The following RYR1 variants were observed in gnomAD, a reference collection of about 807,000 sequenced individuals.
RYR1 encodes the protein central core disease of muscle.
RYR1 carries 342 observed loss-of-function variants against 583.5 expected under a neutral mutation model. The ratio of observed to expected loss-of-function variants is 0.59; its 90% CI spans 0.54 to 0.64. The LOEUF (loss-of-function observed/expected upper bound fraction) is 0.64. RYR1 is among the 30% of genes least tolerant of loss of function. The probability of loss-of-function intolerance (pLI) is 0.00; values close to 1 mark genes in which losing one functional copy is unlikely to be tolerated. For synonymous variants in RYR1, 2,791 were observed against 2,822.5 expected (o/e 0.99, Z 0.35); for missense variants, 6,032 against 6,917.2 (o/e 0.87, Z 4.54).
intron 92 of RYR1, 125 bp from the exon 93 acceptor site, chr19:38,567,648 T>C: frequency 2.2e-6 from 3 of 1,367,844 alleles, no homozygotes; most frequent in Admixed American, 3.6e-5. Flanking sequence ...CATCATCCCA[T>C]GTACCCAGTA....
intron 104 of RYR1, 28 bp downstream of exon 104, chr19:38,586,219 G>A (rs1271263697): frequency 6.2e-7 from 1 of 1,601,940 alleles, no homozygotes; most frequent in African/African-American, 1.3e-5. Flanking sequence ...CCAGTCAGGA[G>A]GGTGGGGGGC....
chr19:38,505,236 C>T (rs1326202387), intron 52 of RYR1, 73 bp from the exon 53 acceptor site: 12 of 1,219,378 alleles, frequency 9.8e-6, no homozygotes, highest in South Asian at 2.5e-5. Flanking sequence ...TCTCTGTCCT[C>T]GGCTCCTCCA....
chr19:38,533,508 AAGGCTGGGCGC>A (rs1971831357), intron 78 of RYR1, among the ~76,000 whole-genome samples: 1 of 152,148 alleles, frequency 6.6e-6, no homozygotes, highest in African/African-American at 2.4e-5. Context: ...AATAAGATCT[AAGGCTGGGCGC>A]AGTGGCTCAC....
At position 38,443,567 on chromosome 19, in the gene RYR1, G is replaced by T. The variant is rs1972794728; in HGVS notation, c.280G>T (p.Gly94Cys). The change falls in exon 4 of 106, where the codon GGC becomes TGC. Residue 94 changes from glycine (G) to cysteine (C), a missense_variant. Coordinates refer to ENST00000359596, the MANE Select transcript of RYR1 (RefSeq NM_000540.3). The part of the protein sequence containing the change: ...TVEAGVESSQ[G>C]GGHRTLLYGH... ...CTCCCTCCCCCTGCAGTCATCCCAG[G>T]GCGGGGGACACAGGACGCTCCTGTA... is the stretch of plus-strand genomic sequence containing the variant. 1 of 1,613,932 alleles carries T rather than the reference G, an allele frequency of 6.2e-7. No individual in the cohort carries two copies. Among genetic ancestry groups the T allele is most frequent in the Non-Finnish European group, 8.5e-7 (1 of 1,179,966 alleles).
rs1317236359 is a variant in RYR1, at chr19:38,561,224, C to G, written c.12394C>G (p.Gln4132Glu). ...INCEEFANRF[Q>E]EPARDIGFNV... is the part of the protein sequence containing the mutation. ...CTGCGAAGAGTTCGCCAACCGCTTC[C>G]AGGAGCCAGCACGCGACATCGGCTT... Residue 4132 changes from glutamine (Q) to glutamate (E), a missense_variant, in exon 90 of 106, where the codon CAG (glutamine) becomes GAG (glutamate). Coordinates refer to ENST00000359596, the MANE Select transcript of RYR1 (RefSeq NM_000540.3). This position sits in a 1 kb window ranked among gnomAD's most constrained non-coding sequence, Gnocchi z 4.8. 4 of 1,614,166 alleles carry G rather than the reference C, an allele frequency of 2.5e-6. No individual in the cohort carries two copies. Among genetic ancestry groups the G allele is most frequent in the Non-Finnish European group, 2.5e-6 (3 of 1,180,040 alleles).
At chr19:38,491,082 G>A (rs981839148) in intron 37 of RYR1, among the ~76,000 whole-genome samples, 3 of 152,132 alleles carry the variant, frequency 2.0e-5, no homozygotes, top group Admixed American at 1.3e-4. Flanking sequence ...TGGAAGGACA[G>A]ATGGATGACC....
chr19:38,504,665 G>T (rs1037232127), intron 50 of RYR1, 83 bp from the exon 51 acceptor site: 4 of 1,565,748 alleles, frequency 2.6e-6, no homozygotes, highest in Non-Finnish European at 3.5e-6. Context: ...GAGGGCTGAT[G>T]ATTGCAGTGT....
intron 58 of RYR1, among the ~76,000 whole-genome samples, chr19:38,509,446 TATTA>T (rs539309829): frequency 0.03 from 3,788 of 127,528 alleles, 62 homozygotes; most frequent in Middle Eastern, 0.031. Flanking sequence ...TTATTATTAT[TATTA>T]TTTTTTTTTT....
intron 71 of RYR1, among the ~76,000 whole-genome samples, chr19:38,526,395 A>T (rs2036944161): frequency 6.7e-6 from 1 of 149,636 alleles, no homozygotes; most frequent in Admixed American, 6.7e-5. Context: ...ACCCCTAAAG[A>T]CCACCGACTT....
intron 95 of RYR1, 101 bp from the exon 96 acceptor site, chr19:38,573,076 G>A: frequency 6.4e-7 from 1 of 1,570,318 alleles, no homozygotes; most frequent in Non-Finnish European, 8.7e-7. Flanking sequence ...CTTCTGATGT[G>A]GGGTCACACA....
Position 38,494,555 on chromosome 19 carries a change from G to C in RYR1, c.6478G>C (p.Gly2160Arg), listed in dbSNP as rs143398211. The C allele has an allele frequency of 1.9e-5, 30 of 1,613,948 alleles. No individual in the cohort carries two copies. Among genetic ancestry groups the C allele is most frequent in the Admixed American group, 3.3e-5 (2 of 60,000 alleles). Residue 2160 changes from glycine to arginine, a missense_variant, in exon 39 of 106, where the codon GGC becomes CGC. By Grantham distance (125) the Gly-to-Arg change is moderately radical (BLOSUM62 -2). Coordinates refer to ENST00000359596, the MANE Select transcript of RYR1 (RefSeq NM_000540.3). Reference sequence around the variant, plus strand: ...CACCATGAGCCTGCTCGAGTGCCTCGGCCAGATCCGCTCGCTGCTCATCGT... The same window carrying C: ...CACCATGAGCCTGCTCGAGTGCCTCCGCCAGATCCGCTCGCTGCTCATCGT... Reference protein sequence around the residue: ...EDTMSLLECLGQIRSLLIVQM... With the variant: ...EDTMSLLECLRQIRSLLIVQM...
Position 38,507,831 on chromosome 19 carries a change from C to T in RYR1, c.8932+4C>T, listed in dbSNP as rs772518280. ...CAGGAGTTCATTGCCCACCTGGGTA[C>T]GGAGAAATACCCCCCGCTTATGCCC... On this transcript the variant is annotated splice_donor_region_variant and intron_variant, in intron 58 of 105. Transcript: ENST00000359596. 15 of 1,584,160 alleles carry T rather than the reference C, an allele frequency of 9.5e-6. No homozygotes were observed. In the Middle Eastern group the frequency reaches 1.0e-3, roughly 105 times the overall value.
At position 38,572,247 on chromosome 19, in the gene RYR1, A is replaced by G. The variant is rs771042959; in HGVS notation, c.13975A>G (p.Ile4659Val). The change falls in exon 95 of 106, where the codon ATC becomes GTC. Residue 4659 changes from isoleucine (I) to valine (V), a missense_variant. Physicochemically the swap from Ile to Val is conservative, Grantham distance 29 (BLOSUM62 3). Coordinates refer to ENST00000359596, the MANE Select transcript of RYR1 (RefSeq NM_000540.3). ...LLHTLVAFLC[I>V]IGYNCLKVPL... ...GCATACACTGGTGGCCTTTCTCTGC[A>G]TCATTGGCTATAATTGTCTCAAGGT... The G allele has an allele frequency of 2.0e-6, 3 of 1,525,158 alleles. No homozygotes were observed. The highest frequency in any genetic ancestry group is 1.1e-5 in the South Asian group (1 of 90,098). 94.5% of individuals were successfully genotyped at this position (1,525,158 alleles called of 1,614,324 possible). A position where few individuals can be genotyped will look rare whatever the true frequency, so the allele number is the denominator to read the frequency against.
chr19:38,445,545 C>A (rs574744276), intron 7 of RYR1, among the ~76,000 whole-genome samples: 4 of 152,076 alleles, frequency 2.6e-5, no homozygotes, highest in Non-Finnish European at 5.9e-5. Flanking sequence ...TGGTTTTTGA[C>A]CCTCAAACTC....
Position 38,546,445 on chromosome 19 carries a change from G to T in RYR1, c.12013G>T (p.Asp4005Tyr), listed in dbSNP as rs761807342. 5.6e-6 allele frequency: 9 copies of T among 1,613,794 alleles called. No individual in the cohort carries two copies. The highest frequency in any genetic ancestry group is 7.6e-6 in the Non-Finnish European group (9 of 1,179,870). Reference sequence around the variant, plus strand: ...GCCCTCACCGAGCTGGGATCTCTAGGACTCAAGCCAGATCGAGCTGCTGAA... The same window carrying T: ...GCCCTCACCGAGCTGGGATCTCTAGTACTCAAGCCAGATCGAGCTGCTGAA... ...FAHMMMKLAQ[D>Y]SSQIELLKEL... is the part of the protein sequence containing the mutation. The change falls in exon 88 of 106, where the codon GAC becomes TAC. Residue 4005 changes from aspartate (D) to tyrosine (Y), a missense_variant and splice_region_variant. Transcript: ENST00000359596.
intron 31 of RYR1, among the ~76,000 whole-genome samples, chr19:38,479,305 G>A (rs559343052): frequency 6.6e-6 from 1 of 152,156 alleles, no homozygotes. Flanking sequence ...GTAGATATTG[G>A]CTTTATCACA....
rs1416057152 is a variant in RYR1 at position 38,452,747 on chromosome 19, G to A, written c.1245-72G>A. ...GTGGGTCTGGGGGAGTCTTGCGGGAGTGAGGTTGCGGCAGTGACGTTGCGG... is the reference window on the plus strand; with the variant it reads ...GTGGGTCTGGGGGAGTCTTGCGGGAATGAGGTTGCGGCAGTGACGTTGCGG... On this transcript the variant is annotated intron_variant, in intron 12 of 105. Transcript: ENST00000359596. 1.2e-5 allele frequency: 17 copies of A among 1,396,950 alleles called. 1 individual carries two copies. The Admixed American group carries it at 3.1e-4, about 26-fold the overall frequency. 86.5% of individuals were successfully genotyped at this position (1,396,950 alleles called of 1,614,324 possible). A position where few individuals can be genotyped will look rare whatever the true frequency, so the allele number is the denominator to read the frequency against.
At chr19:38,498,383 G>T (rs73930600) in intron 42 of RYR1, among the ~76,000 whole-genome samples, 2 of 152,100 alleles carry the variant, frequency 1.3e-5, no homozygotes, top group Non-Finnish European at 2.9e-5. Context: ...GAGGAGGCTC[G>T]TGTTGTGGTC....
intron 90 of RYR1, among the ~76,000 whole-genome samples, chr19:38,564,415 C>T (rs1973290531): frequency 6.6e-6 from 1 of 152,186 alleles, no homozygotes; most frequent in Non-Finnish European, 1.5e-5. Context: ...ATCCCAGCTA[C>T]TCAGGAGGCC....
Sources: allele counts gnomAD v4.1 joint callset (sites outside exome capture counted in the v4.1 genomes callset), GRCh38; gene constraint gnomAD v4.1.1; non-coding constraint Gnocchi (gnomAD v3.1); transcripts MANE v1.5; gene names NCBI Gene and HGNC (gene_info 2026-07-23, HGNC 2026-07-21).